Variants in UMAD1 observed in about 807,000 individuals in gnomAD.
UMAD1 encodes UBAP1-MVB12-associated (UMA) domain containing 1, also known as UBAP1-MVB12-associated (UMA)-domain containing protein 1.
Under a neutral mutation model 6.1 loss-of-function variants are expected in UMAD1, and 8 were observed. That is an observed-to-expected ratio of 1.30 (90% CI 0.76 to 2.35). The LOEUF (loss-of-function observed/expected upper bound fraction) is 2.35, where lower values mean the gene tolerates loss of function less well. UMAD1 is among the 30% of genes most tolerant of loss of function. The probability of loss-of-function intolerance (pLI) is 0.00; values close to 1 mark genes in which losing one functional copy is unlikely to be tolerated. For synonymous variants in UMAD1, 56 were observed against 31.4 expected (o/e 1.78, Z -2.61); for missense variants, 130 against 78.4 (o/e 1.66, Z -2.49).
At chr7:7,744,641 A>G (rs1781536702) in intron 2 of UMAD1, among the ~76,000 whole-genome samples, 1 of 148,818 alleles carries the variant, frequency 6.7e-6, no homozygotes, top group Admixed American at 6.7e-5. Context: ...GTGATATAGT[A>G]GTTCATTGTG....
chr7:7,685,938 C>G (rs1360101052), intron 2 of UMAD1: 1 of 152,170 alleles, frequency 6.6e-6, no homozygotes, highest in African/African-American at 2.4e-5. Flanking sequence ...AGCACTTTCT[C>G]TATCCCAGGT....
At chr7:7,699,446 C>A (rs1201722422) in intron 2 of UMAD1, among the ~76,000 whole-genome samples, 1 of 152,040 alleles carries the variant, frequency 6.6e-6, no homozygotes, top group African/African-American at 2.4e-5. Flanking sequence ...TTTTTACTTA[C>A]ACTAAAATAG....
At chr7:7,839,686 A>C (rs1172782700) in intron 3 of UMAD1, among the ~76,000 whole-genome samples, 1 of 152,232 alleles carries the variant, frequency 6.6e-6, no homozygotes, top group Non-Finnish European at 1.5e-5. Context: ...TTTCAAGAAC[A>C]AAGTTCTTAA....
intron 2 of UMAD1, among the ~76,000 whole-genome samples, chr7:7,702,316 C>A (rs1195337440): frequency 1.3e-5 from 2 of 152,120 alleles, no homozygotes; most frequent in Non-Finnish European, 2.9e-5. Flanking sequence ...CCTATGCTTC[C>A]TAAACTGACT....
intron 3 of UMAD1, among the ~76,000 whole-genome samples, chr7:7,840,199 G>C (rs1304880237): frequency 6.6e-6 from 1 of 152,160 alleles, no homozygotes. Flanking sequence ...GGTTAGTGTA[G>C]TTGTTAGTGT....
chr7:7,677,256 A>G (rs1273723493), intron 2 of UMAD1, among the ~76,000 whole-genome samples: 18 of 152,150 alleles, frequency 1.2e-4, no homozygotes, highest in Admixed American at 9.8e-4. Context: ...GCAACATTCA[A>G]TTTCCACTCT....
intron 3 of UMAD1, among the ~76,000 whole-genome samples, chr7:7,803,601 AATTGGAT>A (rs1311548493): frequency 6.6e-6 from 1 of 152,170 alleles, no homozygotes; most frequent in East Asian, 1.9e-4. Flanking sequence ...AAATACCATA[AATTGGAT>A]ACCTTATGAA....
At chr7:7,796,180 C>T (rs1236814108) in intron 2 of UMAD1, among the ~76,000 whole-genome samples, 1 of 149,324 alleles carries the variant, frequency 6.7e-6, no homozygotes, top group Non-Finnish European at 1.5e-5. Flanking sequence ...GAATTCTGAA[C>T]AGAAATATAT....
rs1318894481 is a variant in UMAD1 at position 7,878,705 on chromosome 7, A to G, written c.*1167A>G. Reference sequence around the variant, plus strand: ...TATTTTTTCACAAAGATAGAGTGCCATAGTGAAACTAAACACTGTGCATAA... The same window carrying G: ...TATTTTTTCACAAAGATAGAGTGCCGTAGTGAAACTAAACACTGTGCATAA... On this transcript the variant is annotated 3_prime_UTR_variant, in exon 4 of 4. Coordinates refer to ENST00000682710, the MANE Select transcript of UMAD1 (RefSeq NM_001302348.2). 2 of 152,248 alleles carry G rather than the reference A, an allele frequency of 1.3e-5. No homozygotes were observed. Among genetic ancestry groups the G allele is most frequent in the African/African-American group, 4.8e-5 (2 of 41,476 alleles). The allele number at this position is 152,248 out of a possible 1,614,324, so 9.4% of individuals were successfully genotyped here.
At chr7:7,766,731 A>G (rs758487515) in intron 2 of UMAD1, among the ~76,000 whole-genome samples, 2 of 152,138 alleles carry the variant, frequency 1.3e-5, no homozygotes, top group Non-Finnish European at 2.9e-5. Context: ...TCATTTTTTC[A>G]TTTAAATATA....
chr7:7,776,925 C>T (rs1782219349), intron 2 of UMAD1, among the ~76,000 whole-genome samples: 1 of 152,212 alleles, frequency 6.6e-6, no homozygotes, highest in Non-Finnish European at 1.5e-5. Context: ...TAAACTACTA[C>T]TGTTCATCTT....
chr7:7,732,365 GT>G (rs1781276111), intron 2 of UMAD1, among the ~76,000 whole-genome samples: 1 of 152,114 alleles, frequency 6.6e-6, no homozygotes, highest in African/African-American at 2.4e-5. Flanking sequence ...TTTCTAATGA[GT>G]TGCTATTAGT....
intron 2 of UMAD1, among the ~76,000 whole-genome samples, chr7:7,759,387 G>A (rs150164030): frequency 2.4e-3 from 361 of 152,200 alleles, no homozygotes; most frequent in African/African-American, 8.1e-3. Flanking sequence ...ACCTTCATCC[G>A]GCATCAGCCT....
At chr7:7,856,618 T>C (rs1304077837) in intron 3 of UMAD1, among the ~76,000 whole-genome samples, 1 of 152,046 alleles carries the variant, frequency 6.6e-6, no homozygotes, top group Non-Finnish European at 1.5e-5. Flanking sequence ...TATGAAAGGG[T>C]ATTGGATATT....
chr7:7,732,457 A>G (rs575420682), intron 2 of UMAD1, among the ~76,000 whole-genome samples: 33 of 152,332 alleles, frequency 2.2e-4, no homozygotes, highest in Middle Eastern at 3.4e-3. Flanking sequence ...AAAAATTTCC[A>G]TGTTAACTTT....
intron 2 of UMAD1, among the ~76,000 whole-genome samples, chr7:7,684,314 G>A (rs1245954948): frequency 2.0e-5 from 3 of 151,626 alleles, no homozygotes; most frequent in African/African-American, 7.3e-5. Flanking sequence ...CAATTCTCAT[G>A]CCTCAGAGTC....
intron 1 of UMAD1, among the ~76,000 whole-genome samples, chr7:7,657,564 T>C (rs1393330192): frequency 6.6e-6 from 1 of 152,232 alleles, no homozygotes; most frequent in Non-Finnish European, 1.5e-5. Context: ...ATTTATTACA[T>C]AGGGAGTCCC....
intron 2 of UMAD1, among the ~76,000 whole-genome samples, chr7:7,722,960 C>G (rs1781076881): frequency 6.6e-6 from 1 of 152,214 alleles, no homozygotes. Flanking sequence ...CATTCCCTCT[C>G]CAACCGATGC....
At chr7:7,758,027 A>G (rs1263903042) in intron 2 of UMAD1, among the ~76,000 whole-genome samples, 1 of 152,068 alleles carries the variant, frequency 6.6e-6, no homozygotes, top group Admixed American at 6.6e-5. Context: ...TAAGATTTTT[A>G]AAATGTGCTT....
Sources: allele counts gnomAD v4.1 joint callset (sites outside exome capture counted in the v4.1 genomes callset), GRCh38; gene constraint gnomAD v4.1.1; transcripts MANE v1.5; gene names NCBI Gene and HGNC (gene_info 2026-07-23, HGNC 2026-07-21).